The following APBA1 variants were observed in gnomAD, a reference collection of about 807,000 sequenced individuals.
APBA1 encodes the protein amyloid beta precursor protein binding family A member 1.
A neutral mutation model predicts 86.6 loss-of-function variants in APBA1; 55 were observed. The observed-to-expected ratio is 0.64, with a 90% CI of 0.51 to 0.80. The LOEUF is 0.80. Among genes scored for constraint, APBA1 ranks in the 30% least tolerant of loss-of-function variants. APBA1 has a pLI of 0.00. For synonymous variants in APBA1, 511 were observed against 493.9 expected, an observed-to-expected ratio of 1.03 and a Z score of -0.46; for missense variants, 1,090 against 1,183.0, an observed-to-expected ratio of 0.92 and a Z score of 1.15.
chr9:69,430,314 G>T lies in APBA1; in HGVS notation c.*1013C>A, dbSNP rs930773269. 2.9e-4 allele frequency: 44 copies of T among 152,290 alleles called. No individual in the cohort carries two copies. Among genetic ancestry groups the T allele is most frequent in the African/African-American group, 9.6e-4 (40 of 41,464 alleles). The allele number at this position is 152,290 out of a possible 1,614,324, so 9.4% of individuals were successfully genotyped here. A position where few individuals can be genotyped will look rare whatever the true frequency, so the allele number is the denominator to read the frequency against. ...CTGGGATGTGTGTTCGGCAGGGAGG[G>T]GAGTCCAGGAGGAGGATGCTTTAAG... On this transcript the variant is annotated 3_prime_UTR_variant, in exon 13 of 13. Coordinates refer to ENST00000265381, the MANE Select transcript of APBA1 (RefSeq NM_001163.4).
intron 2 of APBA1, among the ~76,000 whole-genome samples, chr9:69,512,196 T>A (rs1184901713): frequency 6.6e-6 from 1 of 152,150 alleles, no homozygotes; most frequent in East Asian, 1.9e-4. Context: ...TTTAGAAAAG[T>A]GAAACTCCTT....
At chr9:69,588,355 G>A (rs370540789) in intron 1 of APBA1, among the ~76,000 whole-genome samples, 31 of 152,104 alleles carry the variant, frequency 2.0e-4, no homozygotes, top group African/African-American at 6.5e-4. Flanking sequence ...TTGGACCAGA[G>A]TGGTAGCAGC....
At chr9:69,533,172 T>G (rs1836458750) in intron 1 of APBA1, among the ~76,000 whole-genome samples, 1 of 152,146 alleles carries the variant, frequency 6.6e-6, no homozygotes. Flanking sequence ...TGTGTATGTA[T>G]GATGGAGGGG....
chr9:69,529,072 C>T (rs914393377), intron 1 of APBA1, among the ~76,000 whole-genome samples: 6 of 152,038 alleles, frequency 3.9e-5, no homozygotes, highest in East Asian at 1.9e-4. Context: ...CAAATTTATA[C>T]CAGAATATCA....
intron 2 of APBA1, among the ~76,000 whole-genome samples, chr9:69,489,575 T>C (rs1835669261): frequency 6.6e-6 from 1 of 152,046 alleles, no homozygotes; most frequent in Non-Finnish European, 1.5e-5. Context: ...AACCTACTCA[T>C]CTGACAAAGG....
At chr9:69,456,493 C>A in intron 7 of APBA1, 61 bp from the exon 8 acceptor site, 1 of 1,490,094 alleles carries the variant, frequency 6.7e-7, no homozygotes, top group Non-Finnish European at 9.0e-7. Context: ...TAAGAAAGCG[C>A]CTGCCACCTT....
In APBA1 at chr9:69,519,483, G is replaced by A. The variant is rs548689630; in HGVS notation, c.-69-2204C>T. Among the ~76,000 whole-genome samples the A allele has an allele frequency of 1.3e-4, 20 of 152,282 alleles. No homozygotes were observed. The East Asian group carries it at 2.1e-3, about 16-fold the overall frequency. On this transcript the variant is annotated intron_variant, in intron 1 of 12. Transcript: ENST00000265381. Reference sequence around the variant, plus strand: ...CATCATACCCAAGTTGCCTTCATAAGGACTTTCTCAAAAAGACAACAGATA... The same window carrying A: ...CATCATACCCAAGTTGCCTTCATAAAGACTTTCTCAAAAAGACAACAGATA...
chr9:69,431,725 C>T (rs1834599641), intron 12 of APBA1, among the ~76,000 whole-genome samples: 1 of 152,260 alleles, frequency 6.6e-6, no homozygotes. Flanking sequence ...CCAGGCTTCT[C>T]AGGGTGCCTG....
chr9:69,570,433 C>T (rs1837097427), intron 1 of APBA1, among the ~76,000 whole-genome samples: 1 of 152,190 alleles, frequency 6.6e-6, no homozygotes, highest in Admixed American at 6.5e-5. Context: ...ATATTTGAGA[C>T]AGCTGGTAAT....
chr9:69,644,026 C>T (rs1235183162), intron 1 of APBA1, among the ~76,000 whole-genome samples: 2 of 152,194 alleles, frequency 1.3e-5, no homozygotes, highest in Non-Finnish European at 2.9e-5. Flanking sequence ...GGCCTTGGTT[C>T]AAATGGCCAG....
intron 7 of APBA1, 139 bp downstream of exon 7, chr9:69,456,914 A>C: frequency 2.9e-6 from 2 of 685,096 alleles, no homozygotes; most frequent in Non-Finnish European, 4.9e-6. Context: ...GGCACTGTGA[A>C]CACCACCTTC....
chr9:69,569,628 C>T (rs376990365), intron 1 of APBA1, among the ~76,000 whole-genome samples: 33 of 152,296 alleles, frequency 2.2e-4, no homozygotes, highest in East Asian at 9.6e-4. Context: ...TTCTCTTATG[C>T]ATATGGTTGA....
chr9:69,615,737 ATCCTGAAT>A lies in APBA1; in HGVS notation c.-70+56408_-70+56415del, dbSNP rs1224865066. Among the ~76,000 whole-genome samples the A allele has an allele frequency of 3.9e-5, 6 of 152,320 alleles. No individual in the cohort carries two copies. In the East Asian group the frequency reaches 1.2e-3, roughly 29 times the overall value. On this transcript the variant is annotated intron_variant, in intron 1 of 12. Transcript: ENST00000265381. ...ATTCTCCACCTATAGATTAGACTAG[ATCCTGAAT>A]TCTTCTAGAATCCTCCAATCTAACT...
At chr9:69,584,957 C>T (rs772508893) in intron 1 of APBA1, among the ~76,000 whole-genome samples, 19 of 152,182 alleles carry the variant, frequency 1.2e-4, no homozygotes, top group Admixed American at 2.6e-4. Flanking sequence ...TATAATGTGT[C>T]TGTGGACAGA....
chr9:69,516,934 C>T lies in APBA1; in HGVS notation c.277G>A (p.Glu93Lys). ...CGGGCCGCGGCGATCACGTCGCCCTCGGCGGTGTCCGTGTGGTTGTGGAAG... is the reference window on the plus strand; with the variant it reads ...CGGGCCGCGGCGATCACGTCGCCCTTGGCGGTGTCCGTGTGGTTGTGGAAG... ...SGFHNHTDTA[E>K]GDVIAAARDG... is the part of the protein sequence containing the mutation. The change falls in exon 2 of 13, where the codon GAG (glutamate) becomes AAG (lysine). Residue 93 changes from glutamate (E) to lysine (K), a missense_variant. Glu to Lys is a moderately conservative substitution (Grantham distance 56). Transcript: ENST00000265381. This position sits in a 1 kb window ranked among gnomAD's most constrained non-coding sequence, Gnocchi z 7.3. The T allele has an allele frequency of 6.3e-7, 1 of 1,593,928 alleles. No homozygotes were observed. The highest frequency in any genetic ancestry group is 8.5e-7 in the Non-Finnish European group (1 of 1,177,130).
At chr9:69,539,129 C>T (rs958074295) in intron 1 of APBA1, among the ~76,000 whole-genome samples, 6 of 152,090 alleles carry the variant, frequency 3.9e-5, no homozygotes, top group African/African-American at 1.2e-4. Flanking sequence ...TTGGACTCAA[C>T]TGTTAAGTAT....
intron 1 of APBA1, among the ~76,000 whole-genome samples, chr9:69,621,606 C>A (rs1822819205): frequency 6.6e-6 from 1 of 152,156 alleles, no homozygotes. Flanking sequence ...GCCTCAGTTT[C>A]CACATCTGTA....
chr9:69,589,462 C>T (rs190143152), intron 1 of APBA1, among the ~76,000 whole-genome samples: 2 of 152,318 alleles, frequency 1.3e-5, no homozygotes, highest in Admixed American at 6.5e-5. Flanking sequence ...TCCCCTTCCT[C>T]TCTCACAACC....
chr9:69,512,578 T>TTTTAACAAAAA (rs1588331623), intron 2 of APBA1, among the ~76,000 whole-genome samples: 1 of 152,218 alleles, frequency 6.6e-6, no homozygotes, highest in East Asian at 1.9e-4. Context: ...ATAATCACAG[T>TTTTAACAAAAA]GAGATACCTC....
Sources: allele counts gnomAD v4.1 joint callset (sites outside exome capture counted in the v4.1 genomes callset), GRCh38; gene constraint gnomAD v4.1.1; non-coding constraint Gnocchi (gnomAD v3.1); transcripts MANE v1.5; gene names NCBI Gene and HGNC (gene_info 2026-07-23, HGNC 2026-07-21).